Variants in VWA3B observed in about 807,000 individuals in gnomAD.
VWA3B encodes the protein von Willebrand factor A domain containing 3B.
In VWA3B, 138 loss-of-function variants were observed where a neutral mutation model predicts 158.3. That is an observed-to-expected ratio of 0.87 (90% CI 0.76 to 1.00). The LOEUF is 1.00. Among genes scored for constraint, VWA3B ranks in the 50% least tolerant of loss-of-function variants. The pLI, the probability that VWA3B is intolerant of heterozygous loss-of-function variation, is 0.00. For missense variants in VWA3B, 1,555 were observed against 1,565.1 expected (o/e 0.99, Z 0.11); for synonymous variants, 596 against 587.3 (o/e 1.01, Z -0.21).
chr2:98,323,371 C>T, the VWA3B span, among the ~76,000 whole-genome samples: 1 of 151,574 alleles, frequency 6.6e-6, no homozygotes, highest in Non-Finnish European at 1.5e-5. Context: ...AAAATTTACT[C>T]AATCCAAAAA....
At chr2:98,318,436 T>C in the VWA3B span, among the ~76,000 whole-genome samples, 2 of 152,192 alleles carry the variant, frequency 1.3e-5, no homozygotes, top group African/African-American at 4.8e-5. Context: ...TAGATGAAAC[T>C]GGAGGCCATT....
At chr2:98,180,069 T>C (rs897389862) in intron 8 of VWA3B, among the ~76,000 whole-genome samples, 6 of 149,600 alleles carry the variant, frequency 4.0e-5, no homozygotes, top group African/African-American at 1.5e-4. Flanking sequence ...TCTCTCTTTC[T>C]CTCTTTCTTT....
intron 7 of VWA3B, among the ~76,000 whole-genome samples, chr2:98,157,488 C>A (rs796900859): frequency 2.4e-4 from 37 of 152,280 alleles, no homozygotes; most frequent in African/African-American, 7.9e-4. Context: ...CACTGATTTT[C>A]CTGCTTTCAT....
intron 2 of VWA3B, among the ~76,000 whole-genome samples, chr2:98,094,744 A>G (rs965428386): frequency 6.6e-6 from 1 of 152,114 alleles, no homozygotes; most frequent in African/African-American, 2.4e-5. Context: ...CAGTAGTTTC[A>G]TATTTTCAGA....
intron 22 of VWA3B, among the ~76,000 whole-genome samples, chr2:98,287,127 G>A (rs942629885): frequency 6.6e-6 from 1 of 152,182 alleles, no homozygotes. Context: ...GAAAATTTTT[G>A]TATTCTTTCT....
At chr2:98,222,684 G>T (rs192042746) in intron 14 of VWA3B, among the ~76,000 whole-genome samples, 2 of 152,140 alleles carry the variant, frequency 1.3e-5, no homozygotes, top group African/African-American at 4.8e-5. Flanking sequence ...GGAGGGAAAC[G>T]CCTCCTGTCT....
chr2:98,215,358 G>A (rs1683888460), intron 13 of VWA3B, among the ~76,000 whole-genome samples: 1 of 150,322 alleles, frequency 6.7e-6, no homozygotes, highest in Non-Finnish European at 1.5e-5. Flanking sequence ...GAAGAATGGT[G>A]TGAACCCGGG....
chr2:98,277,161 T>C (rs1308409617), intron 22 of VWA3B, among the ~76,000 whole-genome samples: 1 of 152,188 alleles, frequency 6.6e-6, no homozygotes, highest in African/African-American at 2.4e-5. Context: ...ATCCACAGGC[T>C]TCGTGGTGTC....
At chr2:98,233,768 A>G (rs1431082139) in intron 16 of VWA3B, among the ~76,000 whole-genome samples, 1 of 152,220 alleles carries the variant, frequency 6.6e-6, no homozygotes, top group African/African-American at 2.4e-5. Context: ...GGAGAGGGTA[A>G]GTCCTCTCAG....
rs189401898 is a variant in VWA3B at position 98,307,325 on chromosome 2, T to C, written c.3521+3523T>C. Among the ~76,000 whole-genome samples, 328 of 152,330 alleles carry C rather than the reference T, an allele frequency of 2.2e-3. 1 individual carries two copies. Among genetic ancestry groups the C allele is most frequent in the Non-Finnish European group, 3.3e-3 (225 of 68,034 alleles). ...ACCCTGCTGCTATGCCCGGTTTCCA[T>C]TGGCTGGAACGGGACCTCACATTCT... is the stretch of plus-strand genomic sequence containing the variant. On this transcript the variant is annotated intron_variant, in intron 26 of 27. Transcript: ENST00000477737.
At chr2:98,289,752 C>T (rs183355962) in intron 22 of VWA3B, among the ~76,000 whole-genome samples, 12 of 152,318 alleles carry the variant, frequency 7.9e-5, no homozygotes, top group Admixed American at 7.8e-4. Context: ...TCTAGGAAGG[C>T]AGCAGTGCTG....
the VWA3B span, among the ~76,000 whole-genome samples, chr2:98,327,792 C>G: frequency 6.6e-6 from 1 of 152,180 alleles, no homozygotes; most frequent in Non-Finnish European, 1.5e-5. Flanking sequence ...CAAATTTTTG[C>G]ACATCCAATT....
At chr2:98,179,828 T>TTTTC (rs1371362825) in intron 8 of VWA3B, among the ~76,000 whole-genome samples, 2 of 129,996 alleles carry the variant, frequency 1.5e-5, no homozygotes, top group East Asian at 4.9e-4. Context: ...CTTTCTTTCT[T>TTTTC]TTTCTTTCTT....
chr2:98,217,838 C>T lies in VWA3B; in HGVS notation c.1837-8C>T, dbSNP rs781279803. The T allele has an allele frequency of 8.9e-6, 14 of 1,566,422 alleles. No homozygotes were observed. Among genetic ancestry groups the T allele is most frequent in the South Asian group, 1.2e-5 (1 of 83,844 alleles). Reference sequence around the variant, plus strand: ...CCCTTCCCCCATCCCCAAAACTTATCGTTTCAGCCACCTGAAACAGTTATA... The same window carrying T: ...CCCTTCCCCCATCCCCAAAACTTATTGTTTCAGCCACCTGAAACAGTTATA... On this transcript the variant is annotated splice_polypyrimidine_tract_variant and splice_region_variant and intron_variant, in intron 13 of 27. Coordinates refer to ENST00000477737, the MANE Select transcript of VWA3B (RefSeq NM_144992.5).
Position 98,234,724 on chromosome 2 carries a change from C to T in VWA3B, c.2385C>T (p.Gly795=). The change falls in exon 17 of 28, where the codon GGC becomes GGT. Residue 795 remains glycine (G), a synonymous_variant. Coordinates refer to ENST00000477737, the MANE Select transcript of VWA3B (RefSeq NM_144992.5). ...CAGCTTGCAGTGAAAGGAAGGATGGCCTCTCCAATGCCAGCAGCCGGAGGA... is the reference window on the plus strand; with the variant it reads ...CAGCTTGCAGTGAAAGGAAGGATGGTCTCTCCAATGCCAGCAGCCGGAGGA... ...RSSACSERKD[G]LSNASSRRTA... is the part of the protein sequence containing the mutation. 6.2e-7 allele frequency: 1 copy of T among 1,614,180 alleles called. No individual in the cohort carries two copies. Among genetic ancestry groups the T allele is most frequent in the Non-Finnish European group, 8.5e-7 (1 of 1,180,028 alleles).
At chr2:98,113,080 GTATACT>G (rs983081899) in intron 2 of VWA3B, among the ~76,000 whole-genome samples, 4 of 151,124 alleles carry the variant, frequency 2.6e-5, no homozygotes, top group Non-Finnish European at 5.9e-5. Context: ...GGTATTTATA[GTATACT>G]TATAATATAT....
Position 98,194,374 on chromosome 2 carries a change from A to G in VWA3B, c.1619A>G (p.Tyr540Cys), listed in dbSNP as rs1335743282. Residue 540 changes from tyrosine to cysteine, a missense_variant, in exon 12 of 28, where the codon TAT becomes TGT. Coordinates refer to ENST00000477737, the MANE Select transcript of VWA3B (RefSeq NM_144992.5). ...TGTCTCTTTTAGGAACAGCTGAAAT[A>G]TAAAAGTAAGTTTAACTTTGTGAAG... ...IIQFIQEQLK[Y>C]KSKFNFVKFD... The G allele has an allele frequency of 1.9e-6, 3 of 1,613,890 alleles. No homozygotes were observed. In the Admixed American group the frequency reaches 5.0e-5, roughly 27 times the overall value.
chr2:98,090,328 G>A (rs1682188540), intron 1 of VWA3B, among the ~76,000 whole-genome samples: 1 of 152,180 alleles, frequency 6.6e-6, no homozygotes, highest in African/African-American at 2.4e-5. Context: ...GATAAAAAGT[G>A]CTTGGGATGA....
chr2:98,114,379 G>A (rs1674370361), intron 2 of VWA3B, among the ~76,000 whole-genome samples: 2 of 152,354 alleles, frequency 1.3e-5, no homozygotes, highest in South Asian at 4.1e-4. Context: ...TAGAGCTGGA[G>A]TGGTCTATTG....
Sources: allele counts gnomAD v4.1 joint callset (sites outside exome capture counted in the v4.1 genomes callset), GRCh38; gene constraint gnomAD v4.1.1; transcripts MANE v1.5; gene names NCBI Gene and HGNC (gene_info 2026-07-23, HGNC 2026-07-21).